Variants in PKNOX1 observed in about 807,000 individuals in gnomAD.
The protein encoded by PKNOX1 is PBX/knotted 1 homeobox 1, also known as homeobox protein PKNOX1.
A neutral mutation model predicts 51.9 loss-of-function variants in PKNOX1; 15 were observed. The observed-to-expected ratio is 0.29, with a 90% CI of 0.19 to 0.45. PKNOX1 has a LOEUF of 0.45. Among genes scored for constraint, PKNOX1 ranks in the 20% least tolerant of loss-of-function variants. PKNOX1 has a pLI of 1.00. For missense variants in PKNOX1, 462 were observed against 547.5 expected (o/e 0.84, Z 1.56); for synonymous variants, 219 against 211.1 (o/e 1.04, Z -0.32).
intron 2 of PKNOX1, 42 bp from the exon 3 acceptor site, chr21:43,007,449 A>T (rs533288346): frequency 1.3e-6 from 2 of 1,599,180 alleles, no homozygotes; most frequent in East Asian, 4.5e-5. Context: ...ACCTCGTAGT[A>T]GTTTGTGTTT....
chr21:43,007,630 GGTGCCGGCT>G lies in PKNOX1; in HGVS notation c.179+16_179+24del, dbSNP rs1568897259. 1 of 1,614,014 alleles carries G rather than the reference GGTGCCGGCT, an allele frequency of 6.2e-7. No homozygotes were observed. Among genetic ancestry groups the G allele is most frequent in the Non-Finnish European group, 8.5e-7 (1 of 1,179,942 alleles). ...CAGGCCATTTATAGGTAGTGCCCGGGGTGCCGGCTGTGGGGGCCTCAGAGGAGTGAGGAG... is the reference window on the plus strand; with the variant it reads ...CAGGCCATTTATAGGTAGTGCCCGGGGTGGGGGCCTCAGAGGAGTGAGGAG... On this transcript the variant is annotated intron_variant, in intron 3 of 10. Coordinates refer to ENST00000291547, the MANE Select transcript of PKNOX1 (RefSeq NM_004571.5).
intron 3 of PKNOX1, among the ~76,000 whole-genome samples, chr21:43,008,543 C>T (rs540960888): frequency 1.3e-5 from 2 of 152,198 alleles, no homozygotes; most frequent in South Asian, 4.2e-4. Context: ...TTTGGAAGGC[C>T]GAGGCAGGTG....
chr21:43,016,991 C>T lies in PKNOX1; in HGVS notation c.606C>T (p.Ala202=), dbSNP rs1252334128. Reference sequence around the variant, plus strand: ...CCGCGCTGCAGCAGGGAAACGTAGCCATGGCGACGGTGGCAGGTACGATGA... The same window carrying T: ...CCGCGCTGCAGCAGGGAAACGTAGCTATGGCGACGGTGGCAGGTACGATGA... ...PASALQQGNV[A]MATVAGGTVY... is the part of the protein sequence containing the mutation. Residue 202 remains alanine, a synonymous_variant, in exon 6 of 11, where the codon GCC becomes GCT. Coordinates refer to ENST00000291547, the MANE Select transcript of PKNOX1 (RefSeq NM_004571.5). 1 of 1,611,924 alleles carries T rather than the reference C, an allele frequency of 6.2e-7. No individual in the cohort carries two copies. Among genetic ancestry groups the T allele is most frequent in the South Asian group, 1.1e-5 (1 of 91,050 alleles).
Position 43,006,506 on chromosome 21 carries a change from T to A in PKNOX1, c.52-985T>A, listed in dbSNP as rs114534791. Among the ~76,000 whole-genome samples the A allele has an allele frequency of 3.2e-3, 494 of 152,338 alleles. 3 individuals are homozygous for A. The highest frequency in any genetic ancestry group is 0.011 in the African/African-American group (464 of 41,574). On this transcript the variant is annotated intron_variant, in intron 2 of 10. Coordinates refer to ENST00000291547, the MANE Select transcript of PKNOX1 (RefSeq NM_004571.5). ...CTTAGGCTTTATTGCTTTTATTTTT[T>A]TTTTTTAAGAGAAACATAAACAGTT...
At chr21:43,003,285 C>G (rs561434390) in intron 1 of PKNOX1, among the ~76,000 whole-genome samples, 36 of 152,350 alleles carry the variant, frequency 2.4e-4, no homozygotes, top group East Asian at 5.8e-4. Context: ...TGCTCTCCCC[C>G]ACTCTGCAGT....
intron 8 of PKNOX1, 182 bp from the exon 9 acceptor site, chr21:43,024,689 A>C: frequency 3.3e-5 from 19 of 584,140 alleles, no homozygotes; most frequent in Non-Finnish European, 4.9e-5. Flanking sequence ...CTGCAGCACT[A>C]GGACATTCCT....
intron 1 of PKNOX1, among the ~76,000 whole-genome samples, chr21:42,992,799 A>T (rs1233308637): frequency 8.1e-6 from 1 of 123,324 alleles, no homozygotes; most frequent in East Asian, 2.8e-4. Flanking sequence ...GGGTTCTCTC[A>T]CAGCACTGGG....
At chr21:43,009,160 A>C (rs552702158) in intron 3 of PKNOX1, among the ~76,000 whole-genome samples, 3 of 152,362 alleles carry the variant, frequency 2.0e-5, no homozygotes, top group African/African-American at 7.2e-5. Flanking sequence ...ACTAAAACAA[A>C]AACTAGGCCA....
At chr21:43,019,409 C>CA (rs112889279) in intron 7 of PKNOX1, among the ~76,000 whole-genome samples, 107,896 of 146,230 alleles carry the variant, frequency 0.74, 39,639 homozygotes, top group African/African-American at 0.75. Flanking sequence ...ATAAAATAAA[C>CA]AAAAAAAAAA....
intron 9 of PKNOX1, among the ~76,000 whole-genome samples, chr21:43,027,910 C>T (rs527886535): frequency 2.6e-4 from 39 of 150,584 alleles, no homozygotes; most frequent in African/African-American, 9.0e-4. Flanking sequence ...GGCGAGACTC[C>T]ATCTCAAAAA....
In PKNOX1 at chr21:43,033,588, G is replaced by A. The variant is rs1345327815; in HGVS notation, c.*3487G>A. On this transcript the variant is annotated 3_prime_UTR_variant, in exon 11 of 11. Coordinates refer to ENST00000291547, the MANE Select transcript of PKNOX1 (RefSeq NM_004571.5). ...AAAAATAGAAACTTGCTTTATGGAT[G>A]TTTTATTTTATAAAGCTCATGTCAC... 6.6e-6 allele frequency: 1 copy of A among 152,358 alleles called. No individual in the cohort carries two copies. The highest frequency in any genetic ancestry group is 1.5e-5 in the Non-Finnish European group (1 of 68,020). The allele number at this position is 152,358 out of a possible 1,614,324, so 9.4% of individuals were successfully genotyped here. A position where few individuals can be genotyped will look rare whatever the true frequency, so the allele number is the denominator to read the frequency against.
At chr21:42,977,672 G>A (rs1024266018) in intron 1 of PKNOX1, among the ~76,000 whole-genome samples, 14 of 148,426 alleles carry the variant, frequency 9.4e-5, no homozygotes, top group East Asian at 2.0e-4. Flanking sequence ...CTCAGCCTCC[G>A]TAGTAGCTGG....
chr21:43,013,012 A>G, intron 4 of PKNOX1, 56 bp from the exon 5 acceptor site: 6 of 1,414,626 alleles, frequency 4.2e-6, no homozygotes, highest in African/African-American at 1.4e-5. Flanking sequence ...TAGGATCATG[A>G]TAACTTACAA....
chr21:43,018,659 C>A (rs1457931569), intron 7 of PKNOX1, among the ~76,000 whole-genome samples: 1 of 152,042 alleles, frequency 6.6e-6, no homozygotes, highest in East Asian at 1.9e-4. Flanking sequence ...GTGAGCCTGG[C>A]CCACACCTCC....
intron 4 of PKNOX1, among the ~76,000 whole-genome samples, chr21:43,010,961 C>T (rs1004028606): frequency 1.2e-4 from 19 of 152,198 alleles, no homozygotes; most frequent in Admixed American, 2.0e-4. Flanking sequence ...TGTAAAGGTC[C>T]GTAGGGCTGG....
At chr21:42,984,978 T>C (rs1601269211) in intron 1 of PKNOX1, among the ~76,000 whole-genome samples, 1 of 121,518 alleles carries the variant, frequency 8.2e-6, no homozygotes, top group South Asian at 3.0e-4. Flanking sequence ...TCTTTTCTTT[T>C]TTTTTTTTTT....
At chr21:42,988,779 G>A (rs1182789587) in intron 1 of PKNOX1, among the ~76,000 whole-genome samples, 1 of 152,176 alleles carries the variant, frequency 6.6e-6, no homozygotes, top group African/African-American at 2.4e-5. Context: ...GGAACGGAGT[G>A]GGTTGATGAG....
intron 1 of PKNOX1, among the ~76,000 whole-genome samples, chr21:42,991,999 A>G (rs182300240): frequency 5.9e-5 from 9 of 152,188 alleles, no homozygotes; most frequent in African/African-American, 1.7e-4. Context: ...CACTACTACA[A>G]ATAAGCCACA....
chr21:42,987,394 A>ATATATAT (rs1568888748), intron 1 of PKNOX1, among the ~76,000 whole-genome samples: 15 of 95,064 alleles, frequency 1.6e-4, no homozygotes, highest in African/African-American at 6.1e-4. Flanking sequence ...AAAAAAAAAA[A>ATATATAT]AAAAAAAAAA....
Sources: gnomAD v4.1 joint callset for allele counts (sites outside exome capture counted in the v4.1 genomes callset) on GRCh38, gnomAD v4.1.1 for gene constraint, MANE v1.5 for transcripts, NCBI Gene and HGNC (gene_info 2026-07-23, HGNC 2026-07-21) for gene names.